The following MGAT4C variants were observed in gnomAD, a reference collection of about 807,000 sequenced individuals.
MGAT4C encodes alpha-1,3-mannosyl-glycoprotein 4-beta-N-acetylglucosaminyltransferase C.
MGAT4C carries 19 observed loss-of-function variants against 40.1 expected under a neutral mutation model. That is an observed-to-expected ratio of 0.47 (90% confidence interval 0.33 to 0.70). The LOEUF is 0.70. MGAT4C is among the 30% of genes least tolerant of loss of function. MGAT4C has a pLI of 0.02. For missense variants in MGAT4C, 491 were observed against 563.2 expected (o/e 0.87, Z 1.30); for synonymous variants, 181 against 187.1 (o/e 0.97, Z 0.27).
intron 4 of MGAT4C, among the ~76,000 whole-genome samples, chr12:85,980,890 G>T (rs577249484): frequency 2.6e-5 from 4 of 151,942 alleles, no homozygotes; most frequent in Non-Finnish European, 5.9e-5. Context: ...AGTTTCAAAT[G>T]ATACAAAAGA....
At chr12:85,996,944 T>C (rs940808918) in intron 2 of MGAT4C, among the ~76,000 whole-genome samples, 4 of 152,132 alleles carry the variant, frequency 2.6e-5, no homozygotes, top group African/African-American at 9.7e-5. Context: ...CACTATCAAA[T>C]AAATTAATCT....
At chr12:86,779,717 T>G (rs1433349155) in intron 1 of MGAT4C, among the ~76,000 whole-genome samples, 1 of 151,940 alleles carries the variant, frequency 6.6e-6, no homozygotes, top group South Asian at 2.1e-4. Context: ...ATGGAGACCA[T>G]CCTGGCTAAC....
chr12:86,137,524 C>T (rs559137703), intron 1 of MGAT4C, among the ~76,000 whole-genome samples: 1 of 152,310 alleles, frequency 6.6e-6, no homozygotes, highest in South Asian at 2.1e-4. Flanking sequence ...CTTATATAAT[C>T]AGTCCTAAGT....
rs1883484435 is a variant in MGAT4C, at chr12:85,968,846, A to C, written c.*10443T>G. On this transcript the variant is annotated 3_prime_UTR_variant, in exon 5 of 5. Transcript: ENST00000611864. Reference sequence around the variant, plus strand: ...GACTTAAAAACTAGTAATTTAGACAAGTGTGAGCAGAGGTTAATAATGTTG... The same window carrying C: ...GACTTAAAAACTAGTAATTTAGACACGTGTGAGCAGAGGTTAATAATGTTG... 6.7e-6 allele frequency: 1 copy of C among 150,092 alleles called. No individual in the cohort carries two copies. The highest frequency in any genetic ancestry group is 6.7e-5 in the Admixed American group (1 of 14,926). 9.3% of individuals were successfully genotyped at this position (150,092 alleles called of 1,614,324 possible). A position where few individuals can be genotyped will look rare whatever the true frequency, so the allele number is the denominator to read the frequency against.
chr12:86,300,728 TC>T (rs1419415160), intron 4 of MGAT4C, among the ~76,000 whole-genome samples: 1 of 152,002 alleles, frequency 6.6e-6, no homozygotes, highest in Non-Finnish European at 1.5e-5. Context: ...CCCCTCCTCA[TC>T]CCCCACTCTA....
intron 1 of MGAT4C, among the ~76,000 whole-genome samples, chr12:86,780,646 T>C (rs1951822557): frequency 6.6e-6 from 1 of 152,158 alleles, no homozygotes; most frequent in African/African-American, 2.4e-5. Flanking sequence ...CAGCCTACAG[T>C]TCTACGAATC....
intron 4 of MGAT4C, among the ~76,000 whole-genome samples, chr12:86,313,172 A>G (rs1365759447): frequency 1.3e-5 from 2 of 152,170 alleles, no homozygotes; most frequent in Admixed American, 1.3e-4. Context: ...TATTGTTTTA[A>G]ACAGCAGTTT....
intron 4 of MGAT4C, among the ~76,000 whole-genome samples, chr12:86,261,975 C>A (rs930683802): frequency 6.6e-6 from 1 of 152,038 alleles, no homozygotes; most frequent in Non-Finnish European, 1.5e-5. Flanking sequence ...GCAATCAGAT[C>A]TTGGCTATGA....
chr12:86,537,960 G>A (rs1012162865), intron 2 of MGAT4C, among the ~76,000 whole-genome samples: 4 of 152,060 alleles, frequency 2.6e-5, no homozygotes, highest in Admixed American at 6.6e-5. Flanking sequence ...GGTGGTGGGC[G>A]CCTGTAATCC....
At chr12:86,538,964 T>C (rs1250632336) in intron 2 of MGAT4C, among the ~76,000 whole-genome samples, 1 of 152,176 alleles carries the variant, frequency 6.6e-6, no homozygotes, top group Non-Finnish European at 1.5e-5. Context: ...AACTACTGCA[T>C]ATGCATAATT....
chr12:86,474,171 C>T (rs1455301099), intron 2 of MGAT4C, among the ~76,000 whole-genome samples: 1 of 151,702 alleles, frequency 6.6e-6, no homozygotes, highest in Admixed American at 6.6e-5. Context: ...CACATATACA[C>T]CATGGAATAC....
At chr12:86,479,342 C>T (rs561563892) in intron 2 of MGAT4C, among the ~76,000 whole-genome samples, 1 of 151,986 alleles carries the variant, frequency 6.6e-6, no homozygotes, top group South Asian at 2.1e-4. Context: ...ATTTTTAATA[C>T]TATCTAGAAT....
chr12:86,446,090 C>T (rs910489284), intron 2 of MGAT4C, among the ~76,000 whole-genome samples: 3 of 151,920 alleles, frequency 2.0e-5, no homozygotes, highest in African/African-American at 7.3e-5. Context: ...TATATATGCA[C>T]ACATATAGCT....
chr12:86,000,801 TTTTC>T (rs140210407), intron 2 of MGAT4C, among the ~76,000 whole-genome samples: 4,755 of 152,220 alleles, frequency 0.031, 94 homozygotes, highest in Middle Eastern at 0.068. Flanking sequence ...CTAACCCAGA[TTTTC>T]TTTCTAATTT....
intron 1 of MGAT4C, among the ~76,000 whole-genome samples, chr12:86,100,037 T>C (rs1874685973): frequency 6.6e-6 from 1 of 151,448 alleles, no homozygotes; most frequent in African/African-American, 2.4e-5. Flanking sequence ...CCTTAGTTTT[T>C]TGAATCTTTT....
chr12:86,600,994 G>A (rs951167080), intron 2 of MGAT4C, among the ~76,000 whole-genome samples: 2 of 152,242 alleles, frequency 1.3e-5, no homozygotes, highest in Admixed American at 1.3e-4. Context: ...AGCCAGGTGT[G>A]TGCACACTCG....
At chr12:86,833,379 CA>C (rs1317141836) in intron 1 of MGAT4C, among the ~76,000 whole-genome samples, 1 of 151,844 alleles carries the variant, frequency 6.6e-6, no homozygotes, top group African/African-American at 2.4e-5. Context: ...CTAGGACGGC[CA>C]TAACAATGTA....
chr12:86,546,147 T>C (rs1959191908), intron 2 of MGAT4C, among the ~76,000 whole-genome samples: 1 of 151,958 alleles, frequency 6.6e-6, no homozygotes, highest in Non-Finnish European at 1.5e-5. Context: ...TCTGTATAAC[T>C]GAATTACAGA....
chr12:86,347,409 T>G (rs982304140), intron 3 of MGAT4C, among the ~76,000 whole-genome samples: 1 of 152,196 alleles, frequency 6.6e-6, no homozygotes, highest in Non-Finnish European at 1.5e-5. Context: ...ATTTGATCAC[T>G]GAATTCGTGA....
Sources: allele counts gnomAD v4.1 joint callset (sites outside exome capture counted in the v4.1 genomes callset), GRCh38; gene constraint gnomAD v4.1.1; transcripts MANE v1.5; gene names NCBI Gene and HGNC (gene_info 2026-07-23, HGNC 2026-07-21).